The following PHF8 variants were observed in gnomAD, a reference collection of about 807,000 sequenced individuals.
PHF8 encodes PHD finger protein 8, also known as histone lysine demethylase PHF8.
A neutral mutation model predicts 74.4 loss-of-function variants in PHF8; 9 were observed. The ratio of observed to expected loss-of-function variants is 0.12; its 90% CI spans 0.07 to 0.21. PHF8 has a LOEUF of 0.21. PHF8 is among the 10% of genes least tolerant of loss of function. The pLI is 1.00. For synonymous variants in PHF8, 311 were observed against 316.6 expected (o/e 0.98, Z 0.19); for missense variants, 478 against 816.6 (o/e 0.59, Z 5.05).
intron 6 of PHF8, 66 bp downstream of exon 6, chrX:54,016,529 C>T (rs372613537): frequency 1.1e-6 from 1 of 873,034 alleles, no homozygotes; most frequent in Non-Finnish European, 1.7e-6. Flanking sequence ...CACGAATATA[C>T]ACTAGATATA....
intron 8 of PHF8, 91 bp downstream of exon 8, chrX:54,011,031 C>T: frequency 1.3e-6 from 1 of 799,078 alleles, no homozygotes; most frequent in Non-Finnish European, 1.9e-6. Context: ...GAAAGACATC[C>T]CACGTAATCA....
intron 18 of PHF8, among the ~76,000 whole-genome samples, chrX:53,976,586 GT>G (rs782571616): frequency 4.6e-5 from 5 of 108,443 alleles, no homozygotes; most frequent in African/African-American, 1.7e-4. Context: ...GAGGTCAGGA[GT>G]TTGACACAAG....
At chrX:53,961,132 C>A (rs974314727) in intron 19 of PHF8, among the ~76,000 whole-genome samples, 1 of 108,267 alleles carries the variant, frequency 9.2e-6, no homozygotes, top group Non-Finnish European at 1.9e-5. Flanking sequence ...AAGCAATTCT[C>A]GTGCCTCAGC....
chrX:54,028,400 A>C (rs1234263548), intron 2 of PHF8, among the ~76,000 whole-genome samples: 1 of 111,269 alleles, frequency 9.0e-6, no homozygotes, highest in Non-Finnish European at 1.9e-5. Context: ...TGTGATTTTA[A>C]TCATGTCTTT....
chrX:53,996,382 G>C (rs1422461048), intron 11 of PHF8, among the ~76,000 whole-genome samples: 1 of 108,797 alleles, frequency 9.2e-6, no homozygotes, highest in Non-Finnish European at 1.9e-5. Flanking sequence ...CCAAAGTGCT[G>C]GGATTACAGG....
At chrX:54,043,156 C>G in intron 1 of PHF8, 1 of 797,250 alleles carries the variant, frequency 1.3e-6, no homozygotes, top group Non-Finnish European at 1.5e-6. Flanking sequence ...CTGAACCCTC[C>G]CCTAGCTGAC....
intron 19 of PHF8, among the ~76,000 whole-genome samples, chrX:53,950,152 C>G (rs1289947170): frequency 3.6e-5 from 4 of 111,743 alleles, no homozygotes; most frequent in Non-Finnish European, 7.5e-5. Flanking sequence ...GCCCTAGACA[C>G]ATCTACCTTA....
At chrX:54,036,102 C>CA (rs1159910510) in intron 2 of PHF8, among the ~76,000 whole-genome samples, 325 of 25,828 alleles carry the variant, frequency 0.013, 4 homozygotes, top group African/African-American at 0.023. Context: ...AACTCCATCT[C>CA]AAAAAAAAAA....
chrX:54,045,233 G>A (rs1240083073), upstream of PHF8: 5 of 208,381 alleles, frequency 2.4e-5, no homozygotes, highest in Non-Finnish European at 3.5e-5. Flanking sequence ...GGGGAGAGGA[G>A]GGGGGATGAG....
chrX:53,967,033 C>T (rs1426588505), intron 18 of PHF8, among the ~76,000 whole-genome samples: 6 of 107,044 alleles, frequency 5.6e-5, no homozygotes, highest in Non-Finnish European at 9.7e-5. Flanking sequence ...ACCCTCCGCC[C>T]GGCAGCTGCC....
At chrX:53,992,003 A>C (rs1603319601) in intron 14 of PHF8, among the ~76,000 whole-genome samples, 1 of 112,075 alleles carries the variant, frequency 8.9e-6, no homozygotes, top group East Asian at 2.8e-4. Flanking sequence ...ACACTGTTTT[A>C]TTTCTAACGC....
chrX:53,966,361 G>A (rs1218441012), intron 18 of PHF8, among the ~76,000 whole-genome samples: 1 of 112,087 alleles, frequency 8.9e-6, no homozygotes, highest in Non-Finnish European at 1.9e-5. Context: ...CCTGCCGAGT[G>A]CCTGCGACTG....
At chrX:54,016,567 G>GT (rs1797669583) in intron 6 of PHF8, 28 bp downstream of exon 6, 5 of 1,178,635 alleles carry the variant, frequency 4.2e-6, no homozygotes, top group Middle Eastern at 2.3e-4. Flanking sequence ...ACTTTGTCAG[G>GT]TTTTTTTGTT....
intron 19 of PHF8, among the ~76,000 whole-genome samples, chrX:53,955,654 A>C (rs1452686981): frequency 9.4e-6 from 1 of 106,385 alleles, no homozygotes; most frequent in Non-Finnish European, 1.9e-5. Context: ...TAGTGGGCAC[A>C]TTAGTCTTAT....
chrX:54,030,989 T>TATC (rs782409220), intron 2 of PHF8, among the ~76,000 whole-genome samples: 1 of 112,212 alleles, frequency 8.9e-6, no homozygotes, highest in South Asian at 3.7e-4. Flanking sequence ...AAGTATTAGC[T>TATC]ATCATCATCA....
intron 2 of PHF8, among the ~76,000 whole-genome samples, chrX:54,024,099 T>G (rs1485434451): frequency 9.0e-6 from 1 of 111,396 alleles, no homozygotes; most frequent in Non-Finnish European, 1.9e-5. Flanking sequence ...TTGTAGGGTT[T>G]TTAAGGATTC....
At chrX:54,004,291 A>C (rs1298530879) in intron 8 of PHF8, among the ~76,000 whole-genome samples, 1 of 111,729 alleles carries the variant, frequency 9.0e-6, no homozygotes, top group Non-Finnish European at 1.9e-5. Context: ...GGGAACAGAA[A>C]ACTATAAAAG....
At position 54,021,132 on chromosome X, in the gene PHF8, T is replaced by G. The variant is rs183755015; in HGVS notation, c.293+1127A>C. Among the ~76,000 whole-genome samples, 165 of 112,272 alleles carry G rather than the reference T, an allele frequency of 1.5e-3. 1 individual carries two copies. Among genetic ancestry groups the G allele is most frequent in the African/African-American group, 5.0e-3 (155 of 30,942 alleles). ...ATAAAACAGAAGGAAATCATGTCCT[T>G]TTCAGTAACATGGATGCAGCTGGAG... On this transcript the variant is annotated intron_variant, in intron 4 of 21. Transcript: ENST00000338154.
At chrX:54,043,148 G>A (rs1304036517) in intron 1 of PHF8, 1 of 810,102 alleles carries the variant, frequency 1.2e-6, no homozygotes, top group African/African-American at 2.3e-5. Flanking sequence ...ATCTCTCACT[G>A]AACCCTCCCC....
Sources: gnomAD v4.1 joint callset for allele counts (sites outside exome capture counted in the v4.1 genomes callset) on GRCh38, gnomAD v4.1.1 for gene constraint, MANE v1.5 for transcripts, NCBI Gene and HGNC (gene_info 2026-07-23, HGNC 2026-07-21) for gene names.